AGBL1: variants seen among roughly 807,000 people sequenced by gnomAD.
The protein encoded by AGBL1 is AGBL carboxypeptidase 1, also known as cytosolic carboxypeptidase 4.
AGBL1 carries 130 observed loss-of-function variants against 118.9 expected under a neutral mutation model. That is an observed-to-expected ratio of 1.09 (90% CI 0.95 to 1.26). The LOEUF is 1.26. Ranked by LOEUF, AGBL1 falls within the 50% of genes most tolerant of loss-of-function variation. The pLI, the probability that AGBL1 is intolerant of heterozygous loss-of-function variation, is 0.00. For synonymous variants in AGBL1, 555 were observed against 478.9 expected, an observed-to-expected ratio of 1.16 and a Z score of -2.08; for missense variants, 1,584 against 1,298.1, an observed-to-expected ratio of 1.22 and a Z score of -3.38.
At chr15:86,247,925 G>A (rs777098657) in intron 7 of AGBL1, 46 bp downstream of exon 7, 9 of 1,589,236 alleles carry the variant, frequency 5.7e-6, no homozygotes, top group Middle Eastern at 3.3e-4. Flanking sequence ...CCAGCTGGGT[G>A]ATTCCTGAAG....
At chr15:86,500,519 T>C (rs1442267920) in intron 18 of AGBL1, among the ~76,000 whole-genome samples, 1 of 92 alleles carries the variant, frequency 0.011, no homozygotes, top group African/African-American at 0.033. Context: ...AGGATATAAT[T>C]CATATACCAT....
intron 22 of AGBL1, among the ~76,000 whole-genome samples, chr15:86,775,387 T>G (rs545469889): frequency 6.6e-6 from 1 of 152,124 alleles, no homozygotes; most frequent in Non-Finnish European, 1.5e-5. Flanking sequence ...ACACTTCTCT[T>G]GATGAAATAG....
At chr15:86,526,623 G>A (rs1489868476) in intron 19 of AGBL1, among the ~76,000 whole-genome samples, 12 of 136,550 alleles carry the variant, frequency 8.8e-5, no homozygotes, top group African/African-American at 2.4e-4. Context: ...TAAATACACA[G>A]TATATATATA....
rs548656498 is a variant in AGBL1, at chr15:86,143,690, T to TC, written c.116-5dup. On this transcript the variant is annotated splice_polypyrimidine_tract_variant and intron_variant, in intron 2 of 22. Transcript: ENST00000614907. Reference sequence around the variant, plus strand: ...CTTGTGGCTCATCTTTCCTCCGGTTTCCCCTCAGGCACAGACCGGAGAATT... The same window carrying TC: ...CTTGTGGCTCATCTTTCCTCCGGTTTCCCCCTCAGGCACAGACCGGAGAATT... The TC allele has an allele frequency of 1.4e-4, 224 of 1,612,412 alleles. No homozygotes were observed. The East Asian group carries it at 4.5e-3, about 33-fold the overall frequency.
intron 18 of AGBL1, among the ~76,000 whole-genome samples, chr15:86,520,642 A>G (rs916474991): frequency 6.6e-6 from 1 of 152,180 alleles, no homozygotes; most frequent in Non-Finnish European, 1.5e-5. Flanking sequence ...GGACACATGT[A>G]TGCTTGCATT....
chr15:86,447,239 C>T (rs924461398), intron 18 of AGBL1, among the ~76,000 whole-genome samples: 1 of 152,178 alleles, frequency 6.6e-6, no homozygotes, highest in Non-Finnish European at 1.5e-5. Flanking sequence ...ACATTTGTAC[C>T]ATTCAGGCCA....
chr15:86,783,185 C>T (rs186007159), intron 22 of AGBL1, among the ~76,000 whole-genome samples: 4 of 152,172 alleles, frequency 2.6e-5, no homozygotes, highest in African/African-American at 4.8e-5. Context: ...TCCATGTCCC[C>T]GGTACTGCCT....
chr15:86,141,982 G>GCTGCC, intron 1 of AGBL1, 22 bp from the exon 2 acceptor site: 1 of 1,546,548 alleles, frequency 6.5e-7, no homozygotes, highest in Non-Finnish European at 8.7e-7. Flanking sequence ...CTTAAATATG[G>GCTGCC]CTGCCTGTGT....
intron 1 of AGBL1, among the ~76,000 whole-genome samples, chr15:86,112,474 TC>T (rs1403503887): frequency 6.6e-6 from 1 of 152,268 alleles, no homozygotes; most frequent in Non-Finnish European, 1.5e-5. Context: ...TGAACATTGT[TC>T]CATTGTATTA....
At chr15:86,791,053 T>C (rs964234554) in intron 22 of AGBL1, among the ~76,000 whole-genome samples, 3 of 152,168 alleles carry the variant, frequency 2.0e-5, no homozygotes, top group African/African-American at 7.2e-5. Context: ...CATTGGAAGA[T>C]AGATGATATT....
chr15:86,671,535 T>C (rs988620838), intron 21 of AGBL1, among the ~76,000 whole-genome samples: 1 of 152,186 alleles, frequency 6.6e-6, no homozygotes, highest in Non-Finnish European at 1.5e-5. Flanking sequence ...GTTTTATTCA[T>C]AAACTTTCTA....
intron 24 of AGBL1, among the ~76,000 whole-genome samples, chr15:87,016,410 A>C (rs1303522829): frequency 6.6e-6 from 1 of 152,206 alleles, no homozygotes; most frequent in Non-Finnish European, 1.5e-5. Context: ...TTGAAGAATG[A>C]GTGGGTGCTT....
At position 86,733,119 on chromosome 15, in the gene AGBL1, A is replaced by G. The variant is rs1311858905; in HGVS notation, c.3158+58683A>G. On this transcript the variant is annotated intron_variant, in intron 22 of 22. Coordinates refer to ENST00000614907, the MANE Select transcript of AGBL1 (RefSeq NM_001386094.1). ...ACATAGGGATTTATCATGGGAATTG[A>G]CTCACACAATTATGGTATCCAAGAA... is the stretch of plus-strand genomic sequence containing the variant. Among the ~76,000 whole-genome samples the G allele has an allele frequency of 2.6e-5, 4 of 151,036 alleles. No individual in the cohort carries two copies. In the South Asian group the frequency reaches 6.3e-4, roughly 24 times the overall value.
At chr15:86,940,085 T>TC in intron 23 of AGBL1, among the ~76,000 whole-genome samples, 1 of 128,780 alleles carries the variant, frequency 7.8e-6, no homozygotes, top group Non-Finnish European at 1.6e-5. Flanking sequence ...TTTTTTTTTT[T>TC]TTTGGTAGAG....
At chr15:86,144,029 G>A (rs892761493) in intron 3 of AGBL1, among the ~76,000 whole-genome samples, 184 bp downstream of exon 3, 1 of 152,148 alleles carries the variant, frequency 6.6e-6, no homozygotes, top group Non-Finnish European at 1.5e-5. Context: ...TTTGATGTCA[G>A]CTCATCCAAG....
At chr15:86,186,796 C>T (rs879065024) in intron 5 of AGBL1, among the ~76,000 whole-genome samples, 1 of 152,214 alleles carries the variant, frequency 6.6e-6, no homozygotes. Context: ...TTTCACATCA[C>T]TGTGAAGTTG....
intron 1 of AGBL1, among the ~76,000 whole-genome samples, chr15:86,139,577 G>A (rs776371016): frequency 1.3e-5 from 2 of 151,462 alleles, no homozygotes; most frequent in Admixed American, 1.3e-4. Context: ...TGGTTAACAT[G>A]GTGGAAACTC....
chr15:86,182,130 A>G (rs903415493), intron 5 of AGBL1, among the ~76,000 whole-genome samples: 1 of 152,026 alleles, frequency 6.6e-6, no homozygotes, highest in Non-Finnish European at 1.5e-5. Context: ...CGGTGGGACA[A>G]ATAATTGGTT....
At chr15:86,867,396 T>C (rs2079647852) in intron 22 of AGBL1, among the ~76,000 whole-genome samples, 1 of 152,182 alleles carries the variant, frequency 6.6e-6, no homozygotes, top group South Asian at 2.1e-4. Context: ...GAGAATAACT[T>C]TCTGCGTTTT....
Sources: gnomAD v4.1 joint callset for allele counts (sites outside exome capture counted in the v4.1 genomes callset) on GRCh38, gnomAD v4.1.1 for gene constraint, MANE v1.5 for transcripts, NCBI Gene and HGNC (gene_info 2026-07-23, HGNC 2026-07-21) for gene names.